PSD2: variants seen among roughly 807,000 people sequenced by gnomAD.
PSD2 encodes pleckstrin and Sec7 domain containing 2, also known as PH and SEC7 domain-containing protein 2.
In PSD2, 38 loss-of-function variants were observed where a neutral mutation model predicts 69.8. The ratio of observed to expected loss-of-function variants is 0.54; its 90% CI spans 0.42 to 0.71. The LOEUF (loss-of-function observed/expected upper bound fraction) is 0.71. Among genes scored for constraint, PSD2 ranks in the 30% least tolerant of loss-of-function variants. The pLI, the probability that PSD2 is intolerant of heterozygous loss-of-function variation, is 0.00. For missense variants in PSD2, 943 were observed against 1,014.5 expected, an observed-to-expected ratio of 0.93 and a Z score of 0.96; for synonymous variants, 412 against 423.0, an observed-to-expected ratio of 0.97 and a Z score of 0.32.
intron 7 of PSD2, among the ~76,000 whole-genome samples, chr5:139,822,985 T>C (rs1048860336): frequency 6.6e-6 from 1 of 152,122 alleles, no homozygotes; most frequent in African/African-American, 2.4e-5. Flanking sequence ...CCCCCAAGTA[T>C]GCCAGTGAGA....
chr5:139,807,361 C>T (rs1487227399), intron 1 of PSD2, among the ~76,000 whole-genome samples: 3 of 151,614 alleles, frequency 2.0e-5, no homozygotes, highest in Non-Finnish European at 4.4e-5. Flanking sequence ...CCCCCCCTCC[C>T]CCCGCTCAGG....
the PSD2 span, among the ~76,000 whole-genome samples, chr5:139,744,134 G>A: frequency 6.6e-6 from 1 of 152,202 alleles, no homozygotes; most frequent in Admixed American, 6.5e-5. Flanking sequence ...GGAGGCTGGG[G>A]AAGTATGAGA....
chr5:139,761,690 T>G, the PSD2 span, among the ~76,000 whole-genome samples: 1 of 152,192 alleles, frequency 6.6e-6, no homozygotes, highest in Non-Finnish European at 1.5e-5. Flanking sequence ...GAGGAGGAGA[T>G]GTGTGTGCGA....
chr5:139,774,824 G>A, the PSD2 span, among the ~76,000 whole-genome samples: 2 of 152,154 alleles, frequency 1.3e-5, no homozygotes, highest in Admixed American at 6.5e-5. Flanking sequence ...TTTAGAGTAA[G>A]CACCGCTTTC....
upstream of PSD2, among the ~76,000 whole-genome samples, chr5:139,792,732 C>T (rs1235333149): frequency 2.0e-5 from 3 of 151,752 alleles, no homozygotes; most frequent in African/African-American, 7.3e-5. Context: ...TTTTCTTTCT[C>T]TCTTTCTTTT....
intron 5 of PSD2, among the ~76,000 whole-genome samples, chr5:139,821,259 G>T (rs1342602836): frequency 6.6e-6 from 1 of 152,214 alleles, no homozygotes; most frequent in Non-Finnish European, 1.5e-5. Context: ...GCAGTGGTAA[G>T]TCCTGCCTAT....
rs1438779456 is a variant in PSD2 at position 139,809,778 on chromosome 5, G to A, written c.338G>A (p.Ser113Asn). 6.2e-7 allele frequency: 1 copy of A among 1,614,228 alleles called. No individual in the cohort carries two copies. The highest frequency in any genetic ancestry group is 2.2e-5 in the East Asian group (1 of 44,890). The part of the protein sequence containing the change: ...VLAEGDNASR[S>N]LYPDAEDPQL... ...GCAGAGGGGGACAATGCTTCCAGGA[G>A]CCTCTACCCAGATGCTGAGGACCCT... Residue 113 changes from serine to asparagine, a missense_variant, in exon 2 of 15, where the codon AGC (serine) becomes AAC (asparagine). This residue lies in a region of PSD2 where 466 missense variants were observed against 445.0 expected (regional missense o/e 1.05). Transcript: ENST00000274710.
chr5:139,831,659 T>C (rs1162912450), intron 7 of PSD2, among the ~76,000 whole-genome samples: 1 of 152,232 alleles, frequency 6.6e-6, no homozygotes, highest in Admixed American at 6.5e-5. Flanking sequence ...TACTGCTCTC[T>C]TAACTTACAT....
At chr5:139,776,294 C>G in the PSD2 span, among the ~76,000 whole-genome samples, 1 of 152,220 alleles carries the variant, frequency 6.6e-6, no homozygotes. Context: ...CAGGGTCCCC[C>G]TAAAAAACCC....
At chr5:139,762,758 C>T in the PSD2 span, among the ~76,000 whole-genome samples, 6 of 152,104 alleles carry the variant, frequency 3.9e-5, no homozygotes, top group South Asian at 2.1e-4. Context: ...AGACCCCTCC[C>T]GGCAGAGCCA....
chr5:139,826,208 G>A (rs1760415669), intron 7 of PSD2, among the ~76,000 whole-genome samples: 1 of 152,218 alleles, frequency 6.6e-6, no homozygotes, highest in Non-Finnish European at 1.5e-5. Flanking sequence ...AGGTTGAAGT[G>A]GGTGAGATGA....
At position 139,814,160 on chromosome 5, in the gene PSD2, C is replaced by T; in HGVS notation, c.822-10C>T. Reference sequence around the variant, plus strand: ...CTGACGCTACTCTTCCACCCACCTTCCATCTGCAGTGACCCCAGCCTGAAG... The same window carrying T: ...CTGACGCTACTCTTCCACCCACCTTTCATCTGCAGTGACCCCAGCCTGAAG... On this transcript the variant is annotated splice_polypyrimidine_tract_variant and intron_variant, in intron 3 of 14. Transcript: ENST00000274710. The surrounding 1 kb of genome is among the most constrained non-coding windows in gnomAD (Gnocchi z 4.4). 1 of 1,610,602 alleles carries T rather than the reference C, an allele frequency of 6.2e-7. No homozygotes were observed. Among genetic ancestry groups the T allele is most frequent in the Admixed American group, 1.7e-5 (1 of 59,092 alleles).
At chr5:139,759,692 T>C in the PSD2 span, among the ~76,000 whole-genome samples, 67 of 152,376 alleles carry the variant, frequency 4.4e-4, no homozygotes, top group Admixed American at 2.0e-4. Flanking sequence ...CACTACAAGA[T>C]AAATCATAAT....
At chr5:139,744,682 C>A in the PSD2 span, among the ~76,000 whole-genome samples, 25 of 152,304 alleles carry the variant, frequency 1.6e-4, no homozygotes, top group East Asian at 4.6e-3. Flanking sequence ...ATGCAGCTCC[C>A]CGCTCCTGCC....
chr5:139,758,626 G>A, the PSD2 span, among the ~76,000 whole-genome samples: 1 of 152,150 alleles, frequency 6.6e-6, no homozygotes, highest in Non-Finnish European at 1.5e-5. Context: ...GGAAGGGGAC[G>A]CACTTATGCC....
At chr5:139,836,174 G>T (rs1376294814) in intron 9 of PSD2, among the ~76,000 whole-genome samples, 2 of 152,222 alleles carry the variant, frequency 1.3e-5, no homozygotes, top group African/African-American at 4.8e-5. Context: ...GTGGGAAGGG[G>T]AGAGTGCCCT....
At chr5:139,766,751 T>C in the PSD2 span, among the ~76,000 whole-genome samples, 1 of 152,172 alleles carries the variant, frequency 6.6e-6, no homozygotes, top group Non-Finnish European at 1.5e-5. Flanking sequence ...CTAGGGCGAA[T>C]AGAGGGGTAG....
intron 1 of PSD2, among the ~76,000 whole-genome samples, chr5:139,807,734 C>T (rs1718212005): frequency 6.6e-6 from 1 of 152,172 alleles, no homozygotes; most frequent in Non-Finnish European, 1.5e-5. Flanking sequence ...CTTAACTGGA[C>T]AGTGGTGGTT....
Position 139,826,478 on chromosome 5 carries a change from A to G in PSD2, c.1269+3694A>G, listed in dbSNP as rs115917554. ...AGTGGGGAATGTTGACCCATCTCCC[A>G]CGTTCATAAGAAAGTGAGGCAGAAA... is the stretch of plus-strand genomic sequence containing the variant. On this transcript the variant is annotated intron_variant, in intron 7 of 14. Coordinates refer to ENST00000274710, the MANE Select transcript of PSD2 (RefSeq NM_032289.4). Among the ~76,000 whole-genome samples, 633 of 152,264 alleles carry G rather than the reference A, an allele frequency of 4.2e-3. 5 individuals are homozygous for G. Among genetic ancestry groups the G allele is most frequent in the African/African-American group, 0.015 (603 of 41,546 alleles).
Sources: allele counts gnomAD v4.1 joint callset (sites outside exome capture counted in the v4.1 genomes callset), GRCh38; gene constraint gnomAD v4.1.1; regional missense constraint gnomAD v4.1.1; non-coding constraint Gnocchi (gnomAD v3.1); transcripts MANE v1.5; gene names NCBI Gene and HGNC (gene_info 2026-07-23, HGNC 2026-07-21).